Variants in RASGRP3 observed in about 807,000 individuals in gnomAD.
The protein encoded by RASGRP3 is ras guanyl-releasing protein 3.
Under a neutral mutation model 82.7 loss-of-function variants are expected in RASGRP3, and 54 were observed. The observed-to-expected ratio is 0.65, with a 90% confidence interval of 0.52 to 0.82. The LOEUF is 0.82. Ranked by LOEUF, RASGRP3 falls within the 40% of genes least tolerant of loss-of-function variation. RASGRP3 has a pLI of 0.00. For synonymous variants in RASGRP3, 309 were observed against 300.5 expected (o/e 1.03, Z -0.29); for missense variants, 861 against 828.9 (o/e 1.04, Z -0.48).
chr2:33,442,204 A>C (rs1275916619), intron 1 of RASGRP3, among the ~76,000 whole-genome samples: 1 of 152,198 alleles, frequency 6.6e-6, no homozygotes, highest in African/African-American at 2.4e-5. Flanking sequence ...TCTCTACTAA[A>C]AATACAAAAC....
At chr2:33,494,740 G>A (rs1056880592) in intron 1 of RASGRP3, among the ~76,000 whole-genome samples, 2 of 152,126 alleles carry the variant, frequency 1.3e-5, no homozygotes, top group African/African-American at 4.8e-5. Context: ...GGGGGCATTG[G>A]CACCCAGTCC....
chr2:33,521,976 A>G lies in RASGRP3; in HGVS notation c.390A>G (p.Arg130=). Residue 130 remains arginine, a synonymous_variant, in exon 7 of 18, where the codon AGA becomes AGG. Transcript: ENST00000403687. ...ISSIPSYDWM[R]RVTQRKKVSK... Reference sequence around the variant, plus strand: ...ATAGTCCTTCCTATGACTGGATGAGAAGAGTCACACAGAGGAAAAAAGTAT... The same window carrying G: ...ATAGTCCTTCCTATGACTGGATGAGGAGAGTCACACAGAGGAAAAAAGTAT... 2 of 1,613,090 alleles carry G rather than the reference A, an allele frequency of 1.2e-6. No homozygotes were observed. Among genetic ancestry groups the G allele is most frequent in the Non-Finnish European group, 1.7e-6 (2 of 1,179,662 alleles).
intron 2 of RASGRP3, among the ~76,000 whole-genome samples, chr2:33,459,748 T>C (rs1666256094): frequency 6.6e-6 from 1 of 152,212 alleles, no homozygotes; most frequent in Non-Finnish European, 1.5e-5. Context: ...AAGCCAGCTG[T>C]GTCTGCTCGC....
At position 33,527,124 on chromosome 2, in the gene RASGRP3, C is replaced by G. The variant is rs758498849; in HGVS notation, c.808-13C>G. The G allele has an allele frequency of 6.2e-7, 1 of 1,612,692 alleles. No homozygotes were observed. The highest frequency in any genetic ancestry group is 8.5e-7 in the Non-Finnish European group (1 of 1,179,028). On this transcript the variant is annotated splice_polypyrimidine_tract_variant and intron_variant, in intron 9 of 17. Transcript: ENST00000403687. ...AAGTTGTTTGAAAATTCTACTTTTC[C>G]ATCTGTTCCCAGAACTGGAATGAAA...
chr2:33,473,788 A>G (rs1049540974), upstream of RASGRP3, among the ~76,000 whole-genome samples: 13 of 152,228 alleles, frequency 8.5e-5, 2 homozygotes, highest in Middle Eastern at 3.4e-3. Flanking sequence ...TCTCCTGGCT[A>G]TAGAACTAGA....
At chr2:33,443,898 AAAATAT>A (rs1462304149) in intron 1 of RASGRP3, among the ~76,000 whole-genome samples, 2 of 151,996 alleles carry the variant, frequency 1.3e-5, no homozygotes, top group African/African-American at 4.8e-5. Context: ...TTAAAAAAAT[AAAATAT>A]AAATAAAATG....
At position 33,562,968 on chromosome 2, in the gene RASGRP3, C is replaced by A. The variant is rs572648807; in HGVS notation, c.*231C>A. The stretch of plus-strand genomic sequence containing the variant: ...CTCCCCTACCCCTAGTTAAGTGCCA[C>A]AAAGACTGTGTTATGTAGTCAGTAC... On this transcript the variant is annotated 3_prime_UTR_variant, in exon 18 of 18. Transcript: ENST00000403687. 4 of 592,348 alleles carry A rather than the reference C, an allele frequency of 6.8e-6. No individual in the cohort carries two copies. The highest frequency in any genetic ancestry group is 8.8e-6 in the Non-Finnish European group (3 of 339,824). The allele number at this position is 592,348 out of a possible 1,614,324, so 36.7% of individuals were successfully genotyped here.
At chr2:33,503,156 T>C (rs1235394922) in intron 1 of RASGRP3, among the ~76,000 whole-genome samples, 1 of 152,224 alleles carries the variant, frequency 6.6e-6, no homozygotes, top group Admixed American at 6.5e-5. Flanking sequence ...CATTTCACAA[T>C]TTTAGGACTT....
chr2:33,447,440 A>ATTT (rs34967898), intron 1 of RASGRP3, among the ~76,000 whole-genome samples: 23 of 146,972 alleles, frequency 1.6e-4, no homozygotes, highest in Non-Finnish European at 2.5e-4. Flanking sequence ...GAGTGTGCAC[A>ATTT]TTTTTTTTTT....
intron 1 of RASGRP3, among the ~76,000 whole-genome samples, chr2:33,438,342 C>T (rs1287654060): frequency 1.3e-5 from 2 of 152,174 alleles, no homozygotes; most frequent in African/African-American, 4.8e-5. Context: ...GCGGGTGGAT[C>T]ACCTGAGGTT....
chr2:33,457,808 A>G (rs112146292), intron 2 of RASGRP3, among the ~76,000 whole-genome samples: 6,875 of 152,160 alleles, frequency 0.045, 557 homozygotes, highest in African/African-American at 0.16. Context: ...AACCCTCACC[A>G]CACTACCTCT....
At chr2:33,466,961 G>A (rs1427685508) in intron 2 of RASGRP3, among the ~76,000 whole-genome samples, 2 of 152,110 alleles carry the variant, frequency 1.3e-5, no homozygotes, top group South Asian at 2.1e-4. Flanking sequence ...TCAACCTCAC[G>A]AAAAGTCATC....
chr2:33,485,961 C>G (rs540196278), intron 1 of RASGRP3, among the ~76,000 whole-genome samples: 1 of 152,264 alleles, frequency 6.6e-6, no homozygotes, highest in South Asian at 2.1e-4. Context: ...GGAAGAGAGG[C>G]TAATATATTT....
At chr2:33,512,534 A>G (rs1671029023) in intron 2 of RASGRP3, among the ~76,000 whole-genome samples, 1 of 152,214 alleles carries the variant, frequency 6.6e-6, no homozygotes, top group African/African-American at 2.4e-5. Context: ...GGAAAAGGCA[A>G]GTTCTAATGA....
chr2:33,539,264 C>T (rs751373129), intron 12 of RASGRP3, 54 bp downstream of exon 12: 1 of 1,354,138 alleles, frequency 7.4e-7, no homozygotes, highest in South Asian at 1.3e-5. Flanking sequence ...TTTCTCTTTC[C>T]AGAATGTTCT....
intron 2 of RASGRP3, among the ~76,000 whole-genome samples, chr2:33,450,487 G>A (rs545014891): frequency 9.9e-5 from 15 of 152,078 alleles, no homozygotes; most frequent in Non-Finnish European, 1.9e-4. Context: ...TTGTCTTTCT[G>A]TGTCTGGCTT....
At chr2:33,500,363 A>G (rs1380376906) in intron 1 of RASGRP3, among the ~76,000 whole-genome samples, 1 of 152,138 alleles carries the variant, frequency 6.6e-6, no homozygotes, top group Non-Finnish European at 1.5e-5. Context: ...GGAGATAAAC[A>G]GGAACTGAGA....
chr2:33,555,309 T>C (rs1675825885), intron 14 of RASGRP3: 3 of 393,832 alleles, frequency 7.6e-6, no homozygotes, highest in Middle Eastern at 6.8e-4. Flanking sequence ...CGGCTCCCAG[T>C]TGGCTCTGAG....
chr2:33,506,441 C>T (rs1167405403), intron 1 of RASGRP3, among the ~76,000 whole-genome samples: 2 of 152,154 alleles, frequency 1.3e-5, no homozygotes, highest in Non-Finnish European at 2.9e-5. Context: ...GATAATAAGA[C>T]CTTAGCTTTC....
Sources: allele counts gnomAD v4.1 joint callset (sites outside exome capture counted in the v4.1 genomes callset), GRCh38; gene constraint gnomAD v4.1.1; transcripts MANE v1.5; gene names NCBI Gene and HGNC (gene_info 2026-07-23, HGNC 2026-07-21).